The following GLG1 variants were observed in gnomAD, a reference collection of about 807,000 sequenced individuals.
GLG1 encodes the protein golgi glycoprotein 1.
In GLG1, 38 loss-of-function variants were observed where a neutral mutation model predicts 160.5. The observed-to-expected ratio is 0.24, with a 90% CI of 0.18 to 0.31. GLG1 has a LOEUF of 0.31. GLG1 is among the 10% of genes least tolerant of loss of function. The pLI is 1.00. For synonymous variants in GLG1, 644 were observed against 543.4 expected, an observed-to-expected ratio of 1.19 and a Z score of -2.57; for missense variants, 1,373 against 1,505.2, an observed-to-expected ratio of 0.91 and a Z score of 1.45.
chr16:74,592,388 C>A (rs1026287058), intron 1 of GLG1, among the ~76,000 whole-genome samples: 1 of 152,014 alleles, frequency 6.6e-6, no homozygotes, highest in Non-Finnish European at 1.5e-5. Flanking sequence ...AGGTGATCCA[C>A]CCGCCTTGGC....
At chr16:74,508,512 ACCT>A (rs2016692447) in intron 3 of GLG1, among the ~76,000 whole-genome samples, 1 of 152,080 alleles carries the variant, frequency 6.6e-6, no homozygotes, top group South Asian at 2.1e-4. Context: ...ATGCTGACAG[ACCT>A]CCTGTAACCA....
In GLG1 at chr16:74,491,172, G is replaced by A; in HGVS notation, c.1278C>T (p.Tyr426=). Residue 426 remains tyrosine, a synonymous_variant, in exon 8 of 26, where the codon TAC becomes TAT. Transcript: ENST00000422840. ...AAAAGTCTTCCATCAACATGCGTCG[G>A]TAATCCAGCATCTCCCCCTGGCACT... ...SSECQGEMLD[Y]RRMLMEDFSL... is the part of the protein sequence containing the mutation. 1.2e-6 allele frequency: 2 copies of A among 1,614,128 alleles called. No homozygotes were observed. Among genetic ancestry groups the A allele is most frequent in the Non-Finnish European group, 1.7e-6 (2 of 1,179,980 alleles).
At chr16:74,513,561 C>G (rs7193716) in intron 2 of GLG1, among the ~76,000 whole-genome samples, 149,540 of 152,270 alleles carry the variant, frequency 0.98, 73,504 homozygotes, top group East Asian at 1. Context: ...GGGCCTGTCT[C>G]TTAGAAGGAA....
intron 1 of GLG1, among the ~76,000 whole-genome samples, chr16:74,577,436 C>T (rs979025957): frequency 6.6e-6 from 1 of 150,486 alleles, no homozygotes; most frequent in African/African-American, 2.4e-5. Context: ...ACAGGAGAAT[C>T]GCTTGAACTC....
At chr16:74,487,172 C>T (rs1366944082) in intron 8 of GLG1, among the ~76,000 whole-genome samples, 2 of 152,132 alleles carry the variant, frequency 1.3e-5, no homozygotes, top group Admixed American at 6.5e-5. Flanking sequence ...TCCCAAAGTG[C>T]TGGGATTACA....
intron 16 of GLG1, 197 bp downstream of exon 16, chr16:74,469,788 C>T (rs2015130796): frequency 1.7e-6 from 1 of 586,442 alleles, no homozygotes; most frequent in Non-Finnish European, 3.1e-6. Flanking sequence ...TATGGGACCT[C>T]CATGTGAGAA....
chr16:74,522,915 C>A (rs1429355786), intron 2 of GLG1, among the ~76,000 whole-genome samples: 2 of 152,160 alleles, frequency 1.3e-5, no homozygotes, highest in Non-Finnish European at 2.9e-5. Context: ...AAACTCTGGG[C>A]TCATGCAGTC....
intron 7 of GLG1, 84 bp from the exon 8 acceptor site, chr16:74,491,299 T>C: frequency 1.0e-6 from 1 of 955,814 alleles, no homozygotes; most frequent in Non-Finnish European, 1.7e-6. Context: ...AAAGTACATA[T>C]TTCTATCTGT....
At position 74,459,703 on chromosome 16, in the gene GLG1, G is replaced by C; in HGVS notation, c.3123C>G (p.Ile1041Met). The change falls in exon 23 of 26, where the codon ATC (isoleucine) becomes ATG (methionine). Residue 1041 changes from isoleucine (I) to methionine (M), a missense_variant. By Grantham distance (10) the Ile-to-Met change is conservative (BLOSUM62 1). Transcript: ENST00000422840. ...EECLKVNLLK[I>M]KTELCKKEVL... ...TTACCTTTTTACACAATTCTGTTTT[G>C]ATCTTGAGCAGGTTGACCTTGAGGC... is the stretch of plus-strand genomic sequence containing the variant. The C allele has an allele frequency of 6.3e-7, 1 of 1,578,792 alleles. No homozygotes were observed. The highest frequency in any genetic ancestry group is 1.1e-5 in the South Asian group (1 of 89,694).
rs201425869 is a variant in GLG1, at chr16:74,507,378, AAAT to A, written c.558+1458_558+1460del. Among the ~76,000 whole-genome samples, 1,090 of 152,314 alleles carry A rather than the reference AAAT, an allele frequency of 7.2e-3. 8 individuals carry two copies. Among genetic ancestry groups the A allele is most frequent in the Non-Finnish European group, 7.4e-3 (504 of 68,032 alleles). ...ACTGGTATGTATTTAATGGGACACA[AAAT>A]GGGGCAAAACAAACATATGCGGGTA... On this transcript the variant is annotated intron_variant, in intron 3 of 25. Transcript: ENST00000422840.
At chr16:74,605,371 T>C (rs1958541951) in intron 1 of GLG1, among the ~76,000 whole-genome samples, 1 of 152,236 alleles carries the variant, frequency 6.6e-6, no homozygotes, top group East Asian at 1.9e-4. Context: ...CACAAACTAC[T>C]ACTAATTGTT....
chr16:74,564,320 T>C lies in GLG1; in HGVS notation c.439-32167A>G, dbSNP rs577452618. Among the ~76,000 whole-genome samples, 9 of 152,306 alleles carry C rather than the reference T, an allele frequency of 5.9e-5. No individual in the cohort carries two copies. The East Asian group carries it at 1.3e-3, about 23-fold the overall frequency. ...TGGCTGCTTGGTTGAAATGAGTAGA[T>C]TGTTTATCTTGCTCATTCTTTGATC... On this transcript the variant is annotated intron_variant, in intron 1 of 25. Coordinates refer to ENST00000422840, the MANE Select transcript of GLG1 (RefSeq NM_001145667.2).
At chr16:74,538,007 C>G (rs1398864876) in intron 1 of GLG1, among the ~76,000 whole-genome samples, 1 of 151,872 alleles carries the variant, frequency 6.6e-6, no homozygotes, top group Non-Finnish European at 1.5e-5. Context: ...GAAGGTGTCC[C>G]AGTTTCTGAA....
At chr16:74,459,306 G>A (rs933673469) in intron 23 of GLG1, among the ~76,000 whole-genome samples, 2 of 152,052 alleles carry the variant, frequency 1.3e-5, no homozygotes, top group African/African-American at 2.4e-5. Context: ...GTGAACCCCC[G>A]TCTCTACTAA....
intron 1 of GLG1, among the ~76,000 whole-genome samples, chr16:74,600,250 C>G (rs377571313): frequency 6.6e-6 from 1 of 151,634 alleles, no homozygotes; most frequent in Non-Finnish European, 1.5e-5. Context: ...TAGAACAAGG[C>G]TAAGTGGTGT....
At position 74,469,026 on chromosome 16, in the gene GLG1, T is replaced by G; in HGVS notation, c.2356A>C (p.Asn786His). 6.2e-7 allele frequency: 1 copy of G among 1,614,122 alleles called. No individual in the cohort carries two copies. Among genetic ancestry groups the G allele is most frequent in the Non-Finnish European group, 8.5e-7 (1 of 1,179,942 alleles). ...TCCTTGGCTTCCTGCAGAGTGTCAT[T>G]GCGCACGGTCGTGCTCAGGCAGATC... ...VVICLSTTVR[N>H]DTLQEAKEHR... is the part of the protein sequence containing the mutation. The change falls in exon 17 of 26, where the codon AAT (asparagine) becomes CAT (histidine). Residue 786 changes from asparagine to histidine, a missense_variant. Transcript: ENST00000422840.
intron 1 of GLG1, among the ~76,000 whole-genome samples, chr16:74,580,587 T>C (rs1957916762): frequency 6.6e-6 from 1 of 152,118 alleles, no homozygotes; most frequent in Non-Finnish European, 1.5e-5. Context: ...GAAGCAAGCA[T>C]AGGAGAAAAG....
At chr16:74,518,554 A>T (rs1181388923) in intron 2 of GLG1, among the ~76,000 whole-genome samples, 1 of 152,186 alleles carries the variant, frequency 6.6e-6, no homozygotes, top group Admixed American at 6.6e-5. Context: ...TAAACTCAAG[A>T]TGGATCAAAG....
At position 74,486,202 on chromosome 16, in the gene GLG1, CTT is replaced by C. The variant is rs1373208603; in HGVS notation, c.1450-287_1450-286del. 2.0e-5 allele frequency among the ~76,000 whole-genome samples: 3 copies of C among 152,332 alleles called. No homozygotes were observed. The East Asian group carries it at 5.8e-4, about 29-fold the overall frequency. ...TACAACATGAATATGAAGGCTGCCT[CTT>C]TGCTTTCATCTGCCTACTTGTTAAT... On this transcript the variant is annotated intron_variant, in intron 8 of 25. Coordinates refer to ENST00000422840, the MANE Select transcript of GLG1 (RefSeq NM_001145667.2).
Sources: gnomAD v4.1 joint callset for allele counts (sites outside exome capture counted in the v4.1 genomes callset) on GRCh38, gnomAD v4.1.1 for gene constraint, MANE v1.5 for transcripts, NCBI Gene and HGNC (gene_info 2026-07-23, HGNC 2026-07-21) for gene names.